Variants in CSMD1 observed in about 807,000 individuals in gnomAD.
The protein encoded by CSMD1 is CUB and sushi domain-containing protein 1.
CSMD1 carries 213 observed loss-of-function variants against 417.5 expected under a neutral mutation model. The observed-to-expected ratio is 0.51, with a 90% CI of 0.46 to 0.57. The LOEUF (loss-of-function observed/expected upper bound fraction) is 0.57, where lower values mean the gene tolerates loss of function less well. Among genes scored for constraint, CSMD1 ranks in the 20% least tolerant of loss-of-function variants. The probability of loss-of-function intolerance (pLI) is 0.00; values close to 1 mark genes in which losing one functional copy is unlikely to be tolerated. For missense variants in CSMD1, 6,923 were observed against 4,529.7 expected, an observed-to-expected ratio of 1.53 and a Z score of -15.17; for synonymous variants, 2,862 against 1,736.8, an observed-to-expected ratio of 1.65 and a Z score of -16.11.
At chr8:3,066,418 G>T (rs1812939577) in intron 49 of CSMD1, among the ~76,000 whole-genome samples, 4 of 152,184 alleles carry the variant, frequency 2.6e-5, no homozygotes. Context: ...CTCCCTTCTT[G>T]CTGACTTTTC....
chr8:4,210,571 T>C (rs999605773), intron 3 of CSMD1, among the ~76,000 whole-genome samples: 1 of 152,192 alleles, frequency 6.6e-6, no homozygotes, highest in African/African-American at 2.4e-5. Flanking sequence ...AAACACAATA[T>C]CTGACCAATT....
intron 5 of CSMD1, among the ~76,000 whole-genome samples, chr8:3,804,892 G>A (rs1157226376): frequency 6.6e-6 from 1 of 152,134 alleles, no homozygotes; most frequent in Admixed American, 6.5e-5. Context: ...GCATGGATTA[G>A]TGAAAAATGA....
At chr8:3,887,306 T>C (rs1053225169) in intron 5 of CSMD1, among the ~76,000 whole-genome samples, 12 of 152,174 alleles carry the variant, frequency 7.9e-5, no homozygotes, top group Admixed American at 3.3e-4. Context: ...CCTCCCCCCA[T>C]CGCCAGGTGA....
intron 2 of CSMD1, among the ~76,000 whole-genome samples, chr8:4,506,098 A>G (rs1802511695): frequency 6.6e-6 from 1 of 152,152 alleles, no homozygotes; most frequent in South Asian, 2.1e-4. Flanking sequence ...ATTAATTACC[A>G]CAATAGTCTT....
chr8:4,419,471 T>G (rs1797127816), intron 3 of CSMD1, among the ~76,000 whole-genome samples: 1 of 152,100 alleles, frequency 6.6e-6, no homozygotes, highest in South Asian at 2.1e-4. Context: ...AACAAATAAG[T>G]CTCTATGCCT....
intron 46 of CSMD1, among the ~76,000 whole-genome samples, chr8:3,104,089 T>A (rs986477468): frequency 1.3e-5 from 2 of 152,184 alleles, no homozygotes; most frequent in African/African-American, 4.8e-5. Flanking sequence ...TACGTATGCC[T>A]TTCTTCTCTT....
At chr8:4,663,831 G>A (rs956739895) in intron 1 of CSMD1, among the ~76,000 whole-genome samples, 2 of 152,182 alleles carry the variant, frequency 1.3e-5, no homozygotes, top group Non-Finnish European at 2.9e-5. Flanking sequence ...ACAAATCCAG[G>A]ATCGTCAGAC....
At chr8:4,326,258 GA>G (rs1442406823) in intron 3 of CSMD1, among the ~76,000 whole-genome samples, 1 of 152,156 alleles carries the variant, frequency 6.6e-6, no homozygotes, top group East Asian at 1.9e-4. Flanking sequence ...AAAGACTGCA[GA>G]TCATCTTCAC....
At chr8:4,109,032 C>T (rs947391253) in intron 3 of CSMD1, among the ~76,000 whole-genome samples, 4 of 152,212 alleles carry the variant, frequency 2.6e-5, no homozygotes, top group Non-Finnish European at 4.4e-5. Flanking sequence ...CAAATATCTA[C>T]AGATGCTCAA....
intron 1 of CSMD1, among the ~76,000 whole-genome samples, chr8:4,655,049 G>A (rs200416143): frequency 1.4e-5 from 2 of 138,154 alleles, no homozygotes; most frequent in African/African-American, 2.7e-5. Flanking sequence ...AAAAAAAAAA[G>A]CTTAAATCTT....
At chr8:3,418,750 C>G (rs1417135132) in intron 12 of CSMD1, among the ~76,000 whole-genome samples, 8 of 152,072 alleles carry the variant, frequency 5.3e-5, no homozygotes, top group Non-Finnish European at 1.5e-5. Flanking sequence ...AATTGGTGAT[C>G]ATGCAGACAC....
At chr8:3,819,752 C>G (rs1374810264) in intron 5 of CSMD1, among the ~76,000 whole-genome samples, 2 of 152,062 alleles carry the variant, frequency 1.3e-5, no homozygotes, top group South Asian at 4.1e-4. Context: ...CCATGATCAG[C>G]TAATTTTTAA....
intron 2 of CSMD1, among the ~76,000 whole-genome samples, chr8:4,479,127 A>G (rs1367767604): frequency 6.6e-6 from 1 of 152,226 alleles, no homozygotes; most frequent in Admixed American, 6.5e-5. Context: ...AGAGAAAATT[A>G]CAATTCTTTA....
intron 3 of CSMD1, among the ~76,000 whole-genome samples, chr8:4,059,290 A>G (rs2912280): frequency 0.9 from 136,404 of 152,114 alleles, 61,305 homozygotes; most frequent in Middle Eastern, 0.95. Context: ...CACATTCAAA[A>G]CACTGTGTAG....
chr8:4,791,374 T>C (rs1268047381), intron 1 of CSMD1, among the ~76,000 whole-genome samples: 3 of 152,196 alleles, frequency 2.0e-5, no homozygotes, highest in Admixed American at 1.3e-4. Context: ...TCCAATTTTC[T>C]TTCCAATTCA....
intron 5 of CSMD1, among the ~76,000 whole-genome samples, chr8:3,935,537 A>G (rs1810431526): frequency 6.6e-6 from 1 of 152,178 alleles, no homozygotes; most frequent in African/African-American, 2.4e-5. Flanking sequence ...AACTTTCATA[A>G]TAACCCAGGC....
chr8:3,995,704 A>G (rs541487550), intron 5 of CSMD1, among the ~76,000 whole-genome samples: 10 of 152,354 alleles, frequency 6.6e-5, no homozygotes, highest in African/African-American at 2.2e-4. Context: ...TAGTAAGAAT[A>G]ATGACCCCAC....
At chr8:4,674,318 A>G (rs1805540259) in intron 1 of CSMD1, among the ~76,000 whole-genome samples, 1 of 152,146 alleles carries the variant, frequency 6.6e-6, no homozygotes, top group African/African-American at 2.4e-5. Flanking sequence ...TTGAGGCTGA[A>G]AAAAATGCTA....
chr8:3,846,238 C>A (rs528453980), intron 5 of CSMD1, among the ~76,000 whole-genome samples: 1 of 152,104 alleles, frequency 6.6e-6, no homozygotes, highest in Admixed American at 6.6e-5. Context: ...ATCACAGATA[C>A]GTCCACAATG....
Sources: gnomAD v4.1 joint callset for allele counts (sites outside exome capture counted in the v4.1 genomes callset) on GRCh38, gnomAD v4.1.1 for gene constraint, MANE v1.5 for transcripts, NCBI Gene and HGNC (gene_info 2026-07-23, HGNC 2026-07-21) for gene names.